Variants in DNHD1 observed in about 807,000 individuals in gnomAD.
DNHD1 encodes the protein dynein heavy chain domain-containing protein 1.
A neutral mutation model predicts 458.1 loss-of-function variants in DNHD1; 383 were observed. The ratio of observed to expected loss-of-function variants is 0.84; its 90% CI spans 0.77 to 0.91. DNHD1 has a LOEUF of 0.91. Among genes scored for constraint, DNHD1 ranks in the 40% least tolerant of loss-of-function variants. DNHD1 has a pLI of 0.00. For synonymous variants in DNHD1, 2,203 were observed against 2,376.9 expected (o/e 0.93, Z 2.13); for missense variants, 5,336 against 5,866.1 (o/e 0.91, Z 2.95).
intron 17 of DNHD1, among the ~76,000 whole-genome samples, chr11:6,539,548 C>T (rs1025553556): frequency 1.4e-4 from 21 of 152,194 alleles, no homozygotes; most frequent in Middle Eastern, 3.2e-3. Context: ...GTGGCAGCCC[C>T]GAAGTTGTGG....
rs533192492 is a variant in DNHD1, at chr11:6,525,733, A to ATACTTTGGTTT, written c.1838-2783_1838-2782insGGTTTTACTTT. Among the ~76,000 whole-genome samples the ATACTTTGGTTT allele has an allele frequency of 2.0e-3, 311 of 152,292 alleles. 1 individual carries two copies. The highest frequency in any genetic ancestry group is 7.3e-3 in the African/African-American group (302 of 41,572). ...TTGCTGGATATAAAGTTGTTGGTTT[A>ATACTTTGGTTT]TACTTTTTTCCTTTGTGTATCTTAA... is the stretch of plus-strand genomic sequence containing the variant. On this transcript the variant is annotated intron_variant, in intron 10 of 42. Transcript: ENST00000254579.
chr11:6,537,776 C>A (rs1405998523), intron 14 of DNHD1, among the ~76,000 whole-genome samples: 2 of 152,078 alleles, frequency 1.3e-5, no homozygotes, highest in South Asian at 4.1e-4. Context: ...ACTAAAAATA[C>A]AAAAATTAGC....
chr11:6,559,860 C>A (rs552704636), intron 28 of DNHD1, among the ~76,000 whole-genome samples: 387 of 152,334 alleles, frequency 2.5e-3, no homozygotes, highest in Middle Eastern at 6.8e-3. Flanking sequence ...CAGTGACCAA[C>A]TTTTCCTTTC....
intron 31 of DNHD1, 61 bp from the exon 32 acceptor site, chr11:6,564,272 T>C (rs7107072): frequency 0.9 from 1,320,775 of 1,471,376 alleles, 605,725 homozygotes; most frequent in East Asian, 0.96. Flanking sequence ...CCCTCTGCCA[T>C]ATCTCTGCCT....
At chr11:6,551,219 A>G (rs1853337186) in intron 24 of DNHD1, among the ~76,000 whole-genome samples, 1 of 152,246 alleles carries the variant, frequency 6.6e-6, no homozygotes, top group Non-Finnish European at 1.5e-5. Flanking sequence ...TAAAATTAAC[A>G]CACTTCTAAA....
intron 4 of DNHD1, 88 bp downstream of exon 4, chr11:6,503,014 C>A: frequency 1.4e-6 from 2 of 1,436,324 alleles, no homozygotes; most frequent in Non-Finnish European, 1.9e-6. Context: ...CACGTGCGCA[C>A]CCTTCTCCCT....
intron 28 of DNHD1, among the ~76,000 whole-genome samples, chr11:6,560,237 T>C (rs2134449819): frequency 6.6e-6 from 1 of 152,312 alleles, no homozygotes; most frequent in Non-Finnish European, 1.5e-5. Context: ...TCTACTAGGG[T>C]TTCAGGTCTT....
Position 6,548,644 on chromosome 11 carries a change from G to T in DNHD1, c.7099-1G>T. ...CAGTAAGTCCCACTTCTGTCTTGCA[G>T]ACTGAACGGCTCTTGTATGTGGTGG... is the stretch of plus-strand genomic sequence containing the variant. On this transcript the variant is annotated splice_acceptor_variant, in intron 23 of 42. Transcript: ENST00000254579. LOFTEE classifies it high-confidence loss of function. This position sits in a 1 kb window ranked among gnomAD's most constrained non-coding sequence, Gnocchi z 4.4. 6.4e-7 allele frequency: 1 copy of T among 1,551,358 alleles called. No individual in the cohort carries two copies. The highest frequency in any genetic ancestry group is 8.7e-7 in the Non-Finnish European group (1 of 1,146,938).
Position 6,558,467 on chromosome 11 carries a change from C to G in DNHD1, c.9003-18C>G, listed in dbSNP as rs1853516948. The G allele has an allele frequency of 6.4e-7, 1 of 1,551,236 alleles. No individual in the cohort carries two copies. On this transcript the variant is annotated intron_variant, in intron 25 of 42. Coordinates refer to ENST00000254579, the MANE Select transcript of DNHD1 (RefSeq NM_144666.3). ...GCAAAGGTAAAGGGGAGGACATTAG[C>G]TGAGCCCTGGCCCACAGGTTCCACC... is the stretch of plus-strand genomic sequence containing the variant.
At chr11:6,559,628 C>A (rs1476497961) in intron 28 of DNHD1, among the ~76,000 whole-genome samples, 2 of 152,242 alleles carry the variant, frequency 1.3e-5, no homozygotes, top group Admixed American at 6.5e-5. Context: ...CACTCACTCA[C>A]CTCTTAGAGT....
chr11:6,525,861 AT>A (rs1017763212), intron 10 of DNHD1, among the ~76,000 whole-genome samples: 2 of 151,668 alleles, frequency 1.3e-5, no homozygotes, highest in African/African-American at 2.4e-5. Flanking sequence ...TTTTGCCTAG[AT>A]TTTTTTTCTT....
chr11:6,522,550 CA>C (rs1484745918), intron 10 of DNHD1, among the ~76,000 whole-genome samples: 1 of 152,036 alleles, frequency 6.6e-6, no homozygotes, highest in Non-Finnish European at 1.5e-5. Flanking sequence ...ATAATCTGTA[CA>C]AAAAACTCCT....
chr11:6,566,740 C>T lies in DNHD1; in HGVS notation c.11360C>T (p.Thr3787Ile), dbSNP rs761797423. ...WQDLKIRALD[T>I]CKAVEAAEER... ...GACCTAAAGATCAGAGCCCTAGATA[C>T]CTGCAAGGCTGTGGAGGCTGCTGAG... The change falls in exon 35 of 43, where the codon ACC becomes ATC. Residue 3787 changes from threonine (T) to isoleucine (I), a missense_variant. Transcript: ENST00000254579. 5 of 1,611,190 alleles carry T rather than the reference C, an allele frequency of 3.1e-6. No individual in the cohort carries two copies. In the South Asian group the frequency reaches 5.5e-5, roughly 18 times the overall value.
intron 24 of DNHD1, among the ~76,000 whole-genome samples, chr11:6,551,473 A>G (rs1291927309): frequency 6.6e-5 from 10 of 152,230 alleles, no homozygotes; most frequent in Admixed American, 2.6e-4. Flanking sequence ...AGCAGAAATC[A>G]GTGAAATAGA....
chr11:6,520,493 A>T lies in DNHD1; in HGVS notation c.1837+204A>T. 8 of 1,426,946 alleles carry T rather than the reference A, an allele frequency of 5.6e-6. No homozygotes were observed. The South Asian group carries it at 5.9e-5, about 11-fold the overall frequency. The allele number at this position is 1,426,946 out of a possible 1,614,324, so 88.4% of individuals were successfully genotyped here. On this transcript the variant is annotated intron_variant, in intron 10 of 42. Transcript: ENST00000254579. ...TTTTTGCTCACAAATTCACGTGGTT[A>T]TGTGTATGTGCGTGCAATGAGAGGG...
chr11:6,556,732 G>A lies in DNHD1; in HGVS notation c.7437G>A (p.Met2479Ile), dbSNP rs1246680309. 11 of 1,551,272 alleles carry A rather than the reference G, an allele frequency of 7.1e-6. No homozygotes were observed. The highest frequency in any genetic ancestry group is 8.7e-6 in the Non-Finnish European group (10 of 1,146,760). Residue 2479 changes from methionine (M) to isoleucine (I), a missense_variant, in exon 25 of 43, where the codon ATG (methionine) becomes ATA (isoleucine). Physicochemically the swap from Met to Ile is conservative, Grantham distance 10. Around this residue, in one of 4 missense-constraint regions of DNHD1, gnomAD observed 3,932 missense variants for 4,365.6 expected, o/e 0.90. Coordinates refer to ENST00000254579, the MANE Select transcript of DNHD1 (RefSeq NM_144666.3). ...QPVLETLRQAMDGTVYAHSTL... is the reference protein window; with the variant it reads ...QPVLETLRQAIDGTVYAHSTL... ...TGTTGGAGACTCTGCGCCAGGCCATGGATGGCACTGTGTATGCCCACAGCA... is the reference window on the plus strand; with the variant it reads ...TGTTGGAGACTCTGCGCCAGGCCATAGATGGCACTGTGTATGCCCACAGCA...
At chr11:6,550,229 C>T (rs776093763) in intron 24 of DNHD1, among the ~76,000 whole-genome samples, 2 of 152,096 alleles carry the variant, frequency 1.3e-5, no homozygotes, top group Non-Finnish European at 2.9e-5. Context: ...TTAGAACTTG[C>T]CCAAGATACC....
chr11:6,498,576 C>T lies in DNHD1; in HGVS notation c.361C>T (p.His121Tyr), dbSNP rs1207197311. ...CTGCTGGGCACCCTGGGTCCAAACC[C>T]ACCTCCATCTGGACCTGCTAGGTGC... ...LYCWAPWVQT[H>Y]LHLDLLGAIV... The change falls in exon 3 of 43, where the codon CAC (histidine) becomes TAC (tyrosine). Residue 121 changes from histidine (H) to tyrosine (Y), a missense_variant. His to Tyr is a moderately conservative substitution (Grantham distance 83, BLOSUM62 2). This residue lies in a region of DNHD1 where 3,932 missense variants were observed against 4,365.6 expected (regional missense o/e 0.90). Transcript: ENST00000254579. 1.2e-6 allele frequency: 2 copies of T among 1,614,232 alleles called. No homozygotes were observed. The highest frequency in any genetic ancestry group is 2.2e-5 in the South Asian group (2 of 91,076).
At chr11:6,566,502 A>G (rs1332784020) in intron 34 of DNHD1, 85 bp from the exon 35 acceptor site, 1 of 1,560,236 alleles carries the variant, frequency 6.4e-7, no homozygotes, top group Admixed American at 1.9e-5. Flanking sequence ...GCACAGGTCT[A>G]TAGCAGGGAG....
Sources: allele counts gnomAD v4.1 joint callset (sites outside exome capture counted in the v4.1 genomes callset), GRCh38; gene constraint gnomAD v4.1.1; regional missense constraint gnomAD v4.1.1; non-coding constraint Gnocchi (gnomAD v3.1); transcripts MANE v1.5; gene names NCBI Gene and HGNC (gene_info 2026-07-23, HGNC 2026-07-21).